The following MTUS2 variants were observed in gnomAD, a reference collection of about 807,000 sequenced individuals.
The protein encoded by MTUS2 is microtubule-associated tumor suppressor candidate 2.
A neutral mutation model predicts 114.1 loss-of-function variants in MTUS2; 40 were observed. That is an observed-to-expected ratio of 0.35 (90% confidence interval 0.27 to 0.46). The LOEUF is 0.46. MTUS2 is among the 20% of genes least tolerant of loss of function. MTUS2 has a pLI of 1.00. For synonymous variants in MTUS2, 688 were observed against 672.0 expected, an observed-to-expected ratio of 1.02 and a Z score of -0.37; for missense variants, 1,679 against 1,705.4, an observed-to-expected ratio of 0.98 and a Z score of 0.27.
intron 9 of MTUS2, among the ~76,000 whole-genome samples, chr13:29,448,753 C>CTTT (rs71090255): frequency 0.02 from 2,265 of 115,546 alleles, 78 homozygotes; most frequent in East Asian, 0.065. Flanking sequence ...ACAGAGTGCT[C>CTTT]TTTTTTTTTT....
At chr13:29,271,832 A>G (rs1470992247) in intron 5 of MTUS2, among the ~76,000 whole-genome samples, 1 of 152,186 alleles carries the variant, frequency 6.6e-6, no homozygotes, top group Non-Finnish European at 1.5e-5. Flanking sequence ...AGTGCCTCAA[A>G]CATCAAGGGT....
At chr13:29,018,756 T>A (rs1886169587) in intron 2 of MTUS2, among the ~76,000 whole-genome samples, 1 of 145,608 alleles carries the variant, frequency 6.9e-6, no homozygotes, top group African/African-American at 2.6e-5. Context: ...TGAGATTCGG[T>A]CTCCAGCCCC....
At position 28,924,433 on chromosome 13, in the gene MTUS2, A is replaced by G. The variant is rs189283043; in HGVS notation, c.-243+84583A>G. The stretch of plus-strand genomic sequence containing the variant: ...TTTGAGAATGATCCTGCAATCAAGC[A>G]GTATCCTCCCGCTCTTGAGTACAGA... On this transcript the variant is annotated intron_variant, in intron 2 of 15. Transcript: ENST00000612955. 2.6e-5 allele frequency among the ~76,000 whole-genome samples: 4 copies of G among 152,348 alleles called. No homozygotes were observed. In the East Asian group the frequency reaches 7.7e-4, roughly 29 times the overall value.
Position 28,936,187 on chromosome 13 carries a change from G to T in MTUS2, c.-242-88270G>T, listed in dbSNP as rs142579641. Among the ~76,000 whole-genome samples, 22 of 152,282 alleles carry T rather than the reference G, an allele frequency of 1.4e-4. 1 individual carries two copies. The East Asian group carries it at 4.1e-3, about 28-fold the overall frequency. On this transcript the variant is annotated intron_variant, in intron 2 of 15. Transcript: ENST00000612955. ...TGCCATGATGTTTGCATGATTATGT[G>T]ATGTTAGCGGGAAAGCAGGTGTCAT... is the stretch of plus-strand genomic sequence containing the variant.
At chr13:29,350,508 A>G (rs1186224746) in intron 7 of MTUS2, among the ~76,000 whole-genome samples, 1 of 151,894 alleles carries the variant, frequency 6.6e-6, no homozygotes, top group African/African-American at 2.4e-5. Context: ...CCAGTTGGAG[A>G]AAACCCTGCT....
intron 9 of MTUS2, among the ~76,000 whole-genome samples, chr13:29,453,442 AAGAT>A (rs1878883189): frequency 6.6e-6 from 1 of 152,224 alleles, no homozygotes; most frequent in African/African-American, 2.4e-5. Flanking sequence ...GAGGAAAAGA[AAGAT>A]GTGACCAGGG....
At chr13:29,189,322 A>G (rs1894352219) in intron 5 of MTUS2, among the ~76,000 whole-genome samples, 1 of 152,204 alleles carries the variant, frequency 6.6e-6, no homozygotes, top group Non-Finnish European at 1.5e-5. Flanking sequence ...TTTGTTGTGG[A>G]CATCTTTTTT....
At chr13:29,032,479 T>C (rs1886873026) in intron 3 of MTUS2, among the ~76,000 whole-genome samples, 1 of 152,038 alleles carries the variant, frequency 6.6e-6, no homozygotes, top group Admixed American at 6.6e-5. Context: ...TAAAAAAGGG[T>C]ATATATGAGA....
At chr13:29,174,165 G>T (rs1042292775) in intron 5 of MTUS2, among the ~76,000 whole-genome samples, 5 of 152,100 alleles carry the variant, frequency 3.3e-5, no homozygotes, top group African/African-American at 1.2e-4. Flanking sequence ...ATTTATCCCA[G>T]ATGGTTCCAT....
At chr13:29,123,720 A>G (rs1382239184) in intron 5 of MTUS2, among the ~76,000 whole-genome samples, 1 of 152,090 alleles carries the variant, frequency 6.6e-6, no homozygotes, top group African/African-American at 2.4e-5. Context: ...ACAAACACAC[A>G]CACACACACG....
At position 29,313,425 on chromosome 13, in the gene MTUS2, G is replaced by A. The variant is rs1899855734; in HGVS notation, c.2807-11188G>A. ...TTAGGGAAGCTAAAAATGAAAAGAG[G>A]TTTTGTTAGGTGACAGTGAGTTCAA... is the stretch of plus-strand genomic sequence containing the variant. On this transcript the variant is annotated intron_variant, in intron 6 of 15. Transcript: ENST00000612955. 1.3e-5 allele frequency among the ~76,000 whole-genome samples: 2 copies of A among 152,300 alleles called. 1 individual carries two copies. Among genetic ancestry groups the A allele is most frequent in the South Asian group, 4.2e-4 (2 of 4,818 alleles).
chr13:29,194,945 G>A (rs892915634), intron 5 of MTUS2, among the ~76,000 whole-genome samples: 1 of 149,464 alleles, frequency 6.7e-6, no homozygotes, highest in Non-Finnish European at 1.5e-5. Context: ...GTCCTTTGTA[G>A]GGACATGGAT....
At position 29,491,282 on chromosome 13, in the gene MTUS2, G is replaced by A. The variant is rs139099127; in HGVS notation, c.3506-1364G>A. 1.5e-4 allele frequency among the ~76,000 whole-genome samples: 22 copies of A among 151,414 alleles called. No homozygotes were observed. The East Asian group carries it at 4.1e-3, about 28-fold the overall frequency. On this transcript the variant is annotated intron_variant, in intron 11 of 15. Coordinates refer to ENST00000612955, the MANE Select transcript of MTUS2 (RefSeq NM_001033602.4). ...TGTAAGTGTGTCCTTGTGTAAATGT[G>A]TATGGATTTGGAGGTGTGCAGGCGT... is the stretch of plus-strand genomic sequence containing the variant.
At chr13:29,452,862 A>G (rs1878823929) in intron 9 of MTUS2, among the ~76,000 whole-genome samples, 1 of 152,190 alleles carries the variant, frequency 6.6e-6, no homozygotes, top group Admixed American at 6.5e-5. Flanking sequence ...GCTTCTGGAA[A>G]CAGAGTCAGC....
intron 2 of MTUS2, among the ~76,000 whole-genome samples, chr13:28,930,784 G>A (rs918658877): frequency 2.6e-5 from 4 of 152,164 alleles, no homozygotes; most frequent in African/African-American, 9.7e-5. Context: ...ATGGTGGTTA[G>A]TGTTAGTCCC....
chr13:28,918,227 T>C (rs1275140155), intron 2 of MTUS2, among the ~76,000 whole-genome samples: 1 of 151,982 alleles, frequency 6.6e-6, no homozygotes, highest in Non-Finnish European at 1.5e-5. Flanking sequence ...GATGTTTCTT[T>C]GTTGATTTTC....
intron 2 of MTUS2, among the ~76,000 whole-genome samples, chr13:28,844,846 A>T (rs1212133676): frequency 6.6e-6 from 1 of 152,122 alleles, no homozygotes; most frequent in East Asian, 1.9e-4. Flanking sequence ...CTCGAACTCG[A>T]GCTCAGGAGA....
chr13:29,195,368 T>G (rs1894642906), intron 5 of MTUS2, among the ~76,000 whole-genome samples: 1 of 151,906 alleles, frequency 6.6e-6, no homozygotes, highest in South Asian at 2.1e-4. Context: ...TGACAGATGA[T>G]TAATTTTAAC....
At chr13:29,182,855 G>A (rs1163887101) in intron 5 of MTUS2, among the ~76,000 whole-genome samples, 2 of 152,176 alleles carry the variant, frequency 1.3e-5, no homozygotes, top group African/African-American at 4.8e-5. Flanking sequence ...CACTGTGGGG[G>A]ACCCTAAGGT....
Sources: gnomAD v4.1 joint callset for allele counts (sites outside exome capture counted in the v4.1 genomes callset) on GRCh38, gnomAD v4.1.1 for gene constraint, MANE v1.5 for transcripts, NCBI Gene and HGNC (gene_info 2026-07-23, HGNC 2026-07-21) for gene names.